Variants in TENM2 observed in about 807,000 individuals in gnomAD.
The protein encoded by TENM2 is teneurin transmembrane protein 2, also known as teneurin-2.
In TENM2, 52 loss-of-function variants were observed where a neutral mutation model predicts 245.2. The ratio of observed to expected loss-of-function variants is 0.21; its 90% CI spans 0.17 to 0.27. The LOEUF (loss-of-function observed/expected upper bound fraction) is 0.27. Ranked by LOEUF, TENM2 falls within the 10% of genes least tolerant of loss-of-function variation. The pLI is 1.00. For missense variants in TENM2, 3,046 were observed against 3,666.8 expected (o/e 0.83, Z 4.37); for synonymous variants, 1,363 against 1,438.9 (o/e 0.95, Z 1.19).
At chr5:167,736,861 G>T (rs1280648633) in intron 2 of TENM2, among the ~76,000 whole-genome samples, 1 of 152,110 alleles carries the variant, frequency 6.6e-6, no homozygotes, top group African/African-American at 2.4e-5. Flanking sequence ...CTAACAAGGG[G>T]CTGAAGCAGC....
At chr5:167,541,381 C>T (rs1457783788) in intron 2 of TENM2, among the ~76,000 whole-genome samples, 1 of 151,956 alleles carries the variant, frequency 6.6e-6, no homozygotes, top group Non-Finnish European at 1.5e-5. Context: ...CATTAAATGC[C>T]ACGGGGAGTC....
chr5:167,637,176 T>TATC (rs1457220333), intron 2 of TENM2, among the ~76,000 whole-genome samples: 2 of 152,242 alleles, frequency 1.3e-5, no homozygotes, highest in Non-Finnish European at 2.9e-5. Context: ...ATGTGTTTGC[T>TATC]ATCACTATGA....
At chr5:167,531,763 A>G (rs1348759961) in intron 2 of TENM2, among the ~76,000 whole-genome samples, 1 of 152,176 alleles carries the variant, frequency 6.6e-6, no homozygotes, top group South Asian at 2.1e-4. Context: ...TTATTAATAA[A>G]TAAACTAAGA....
intron 2 of TENM2, among the ~76,000 whole-genome samples, chr5:167,610,350 G>A (rs1220918444): frequency 6.6e-6 from 1 of 152,046 alleles, no homozygotes; most frequent in African/African-American, 2.4e-5. Flanking sequence ...TTACATCATT[G>A]GCCATTGTTG....
chr5:168,013,244 G>A (rs1389166330), intron 5 of TENM2, among the ~76,000 whole-genome samples: 5 of 152,164 alleles, frequency 3.3e-5, no homozygotes, highest in South Asian at 2.1e-4. Context: ...TAAGGGAAAC[G>A]AGGGTTGGAA....
At chr5:167,809,346 G>T (rs906532749) in intron 2 of TENM2, among the ~76,000 whole-genome samples, 3 of 152,032 alleles carry the variant, frequency 2.0e-5, no homozygotes, top group Non-Finnish European at 4.4e-5. Flanking sequence ...CTTCAAACAG[G>T]GCCAGTTTTA....
chr5:168,063,959 A>G (rs1397765630), intron 7 of TENM2, among the ~76,000 whole-genome samples: 2 of 151,050 alleles, frequency 1.3e-5, no homozygotes, highest in African/African-American at 4.9e-5. Flanking sequence ...TGAGTCCTCC[A>G]TCCATCCATC....
intron 2 of TENM2, among the ~76,000 whole-genome samples, chr5:167,614,774 T>A (rs1159038276): frequency 6.6e-6 from 1 of 152,044 alleles, no homozygotes; most frequent in Non-Finnish European, 1.5e-5. Context: ...GCTGGGAGAA[T>A]CAAGGCAAGT....
At chr5:167,165,500 A>G in the TENM2 span, 1 of 152,202 alleles carries the variant, frequency 6.6e-6, no homozygotes, top group East Asian at 1.9e-4. Flanking sequence ...TGGGGTGACC[A>G]GAAAGAAGAG....
intron 5 of TENM2, among the ~76,000 whole-genome samples, chr5:167,994,941 G>C (rs991506266): frequency 1.3e-5 from 2 of 152,316 alleles, no homozygotes; most frequent in East Asian, 3.9e-4. Flanking sequence ...TGGCTGTTCA[G>C]GGGGCTCCGT....
chr5:168,073,302 G>A (rs1230702817), intron 7 of TENM2, among the ~76,000 whole-genome samples: 1 of 152,174 alleles, frequency 6.6e-6, no homozygotes, highest in African/African-American at 2.4e-5. Context: ...TTTAACCTGT[G>A]AGGGATTTTA....
At chr5:167,896,099 C>T (rs1208527624) in intron 3 of TENM2, among the ~76,000 whole-genome samples, 4 of 152,194 alleles carry the variant, frequency 2.6e-5, no homozygotes, top group Admixed American at 1.3e-4. Flanking sequence ...TGATAGATGT[C>T]GACCCAGTGC....
intron 4 of TENM2, among the ~76,000 whole-genome samples, chr5:167,974,053 G>GGGA (rs1782065213): frequency 5.6e-4 from 23 of 40,836 alleles, no homozygotes; most frequent in Non-Finnish European, 6.7e-4. Flanking sequence ...AAGGAAGGGA[G>GGGA]GAAAGGAGGG....
chr5:167,074,709 G>T, the TENM2 span, among the ~76,000 whole-genome samples: 2 of 152,208 alleles, frequency 1.3e-5, no homozygotes, highest in African/African-American at 4.8e-5. Flanking sequence ...CATTCCTCTT[G>T]CTGGCTCCAT....
the TENM2 span, among the ~76,000 whole-genome samples, chr5:167,149,494 G>A: frequency 2.0e-5 from 3 of 152,096 alleles, no homozygotes; most frequent in Admixed American, 6.6e-5. Context: ...GACCGGGATG[G>A]TGTGGCCCAT....
At chr5:167,767,960 T>C (rs1400617161) in intron 2 of TENM2, among the ~76,000 whole-genome samples, 1 of 152,194 alleles carries the variant, frequency 6.6e-6, no homozygotes, top group Non-Finnish European at 1.5e-5. Flanking sequence ...GACATGTGAA[T>C]ATTTGCCTGA....
the TENM2 span, among the ~76,000 whole-genome samples, chr5:167,168,917 G>A: frequency 2.6e-5 from 4 of 152,024 alleles, no homozygotes; most frequent in East Asian, 7.8e-4. Context: ...GTGCCACCAT[G>A]CCCAGCCAAT....
chr5:167,070,421 G>T, the TENM2 span, among the ~76,000 whole-genome samples: 5 of 151,368 alleles, frequency 3.3e-5, no homozygotes, highest in Admixed American at 3.3e-4. Context: ...GAGCCACTGC[G>T]CCCAGCCTCA....
the TENM2 span, among the ~76,000 whole-genome samples, chr5:167,047,357 A>G: frequency 1.3e-5 from 2 of 151,812 alleles, no homozygotes; most frequent in African/African-American, 4.8e-5. Flanking sequence ...GCATTACTCA[A>G]CCTCTGGTAT....
Sources: gnomAD v4.1 joint callset for allele counts (sites outside exome capture counted in the v4.1 genomes callset) on GRCh38, gnomAD v4.1.1 for gene constraint, MANE v1.5 for transcripts, NCBI Gene and HGNC (gene_info 2026-07-23, HGNC 2026-07-21) for gene names.